Variants in DLGAP1 observed in about 807,000 individuals in gnomAD.
DLGAP1 encodes the protein disks large-associated protein 1.
In DLGAP1, 11 loss-of-function variants were observed where a neutral mutation model predicts 90.8. That is an observed-to-expected ratio of 0.12 (90% CI 0.08 to 0.20). DLGAP1 has a LOEUF of 0.20. DLGAP1 is among the 10% of genes least tolerant of loss of function. DLGAP1 has a pLI of 1.00. For synonymous variants in DLGAP1, 558 were observed against 540.7 expected, an observed-to-expected ratio of 1.03 and a Z score of -0.44; for missense variants, 1,050 against 1,333.8, an observed-to-expected ratio of 0.79 and a Z score of 3.31.
At chr18:4,137,133 G>A (rs2076417704) in intron 2 of DLGAP1, among the ~76,000 whole-genome samples, 1 of 151,934 alleles carries the variant, frequency 6.6e-6, no homozygotes, top group African/African-American at 2.4e-5. Context: ...TCCCACCTAT[G>A]AGTGAGAACA....
intron 1 of DLGAP1, among the ~76,000 whole-genome samples, chr18:4,421,041 C>A (rs2083017825): frequency 6.6e-6 from 1 of 152,156 alleles, no homozygotes; most frequent in African/African-American, 2.4e-5. Flanking sequence ...GTCTGTATAG[C>A]ACTGTATTAA....
chr18:4,246,289 T>TA (rs1223549718), intron 1 of DLGAP1, among the ~76,000 whole-genome samples: 1 of 151,980 alleles, frequency 6.6e-6, no homozygotes, highest in African/African-American at 2.4e-5. Flanking sequence ...GGAAAAAAAA[T>TA]AGCCATGGCA....
chr18:4,006,845 A>G (rs2074312342), intron 2 of DLGAP1, among the ~76,000 whole-genome samples: 1 of 151,340 alleles, frequency 6.6e-6, no homozygotes, highest in Admixed American at 6.6e-5. Context: ...ACAAGTTCTC[A>G]CTCTGTTCCC....
chr18:4,009,078 A>G (rs1342746300), intron 2 of DLGAP1, among the ~76,000 whole-genome samples: 5 of 152,090 alleles, frequency 3.3e-5, no homozygotes, highest in Admixed American at 2.6e-4. Flanking sequence ...CTAATTTTTT[A>G]TATTTTTAGT....
intron 5 of DLGAP1, among the ~76,000 whole-genome samples, chr18:3,803,998 AT>A: frequency 3.1e-5 from 3 of 96,888 alleles, no homozygotes; most frequent in Admixed American, 1.1e-4. Context: ...ATATATATAT[AT>A]ATATAATTTT....
intron 1 of DLGAP1, among the ~76,000 whole-genome samples, chr18:4,350,157 T>G (rs2081377617): frequency 6.6e-6 from 1 of 152,152 alleles, no homozygotes; most frequent in Non-Finnish European, 1.5e-5. Flanking sequence ...TTGGTCACTT[T>G]CGATGATGAG....
chr18:3,874,740 T>G (rs1438648336), intron 4 of DLGAP1: 1 of 1,519,528 alleles, frequency 6.6e-7, no homozygotes, highest in Admixed American at 2.1e-5. Context: ...AGACAGTCAC[T>G]GGCAGCGGTA....
At chr18:4,289,782 C>A (rs1015963574) in intron 1 of DLGAP1, among the ~76,000 whole-genome samples, 3 of 151,998 alleles carry the variant, frequency 2.0e-5, no homozygotes, top group Non-Finnish European at 4.4e-5. Context: ...GGGTTTAAAT[C>A]CCTCTTAGTC....
intron 1 of DLGAP1, among the ~76,000 whole-genome samples, chr18:4,449,537 G>A (rs1241030196): frequency 2.0e-5 from 3 of 152,170 alleles, no homozygotes. Flanking sequence ...ATACAGATGT[G>A]CATTCACTTG....
At chr18:3,587,061 C>T (rs529839559) in intron 7 of DLGAP1, among the ~76,000 whole-genome samples, 1 of 152,230 alleles carries the variant, frequency 6.6e-6, no homozygotes, top group South Asian at 2.1e-4. Flanking sequence ...TTAAGAGTGA[C>T]GTTCTCTTTT....
rs778048507 is a variant in DLGAP1 at position 3,582,130 on chromosome 18, G to A, written c.1710C>T (p.Tyr570=). The change falls in exon 8 of 13, where the codon TAC becomes TAT. Residue 570 remains tyrosine, a synonymous_variant. Transcript: ENST00000315677. ...CTCCTCGCTGGCCCTGTCCGTCCAT[G>A]TAGGCATCCTGGGCTGACTCTGTGC... The part of the protein sequence containing the change: ...QSSTESAQDA[Y]MDGQGQRGDI... The A allele has an allele frequency of 6.2e-7, 1 of 1,614,072 alleles. No homozygotes were observed. The highest frequency in any genetic ancestry group is 1.1e-5 in the South Asian group (1 of 91,080).
At chr18:3,842,307 C>T (rs527410000) in intron 4 of DLGAP1, among the ~76,000 whole-genome samples, 1 of 152,272 alleles carries the variant, frequency 6.6e-6, no homozygotes, top group Non-Finnish European at 1.5e-5. Context: ...TCCCCAGCTA[C>T]ATCATACTCT....
chr18:3,980,349 G>A (rs1038948326), intron 3 of DLGAP1, among the ~76,000 whole-genome samples: 1 of 152,072 alleles, frequency 6.6e-6, no homozygotes, highest in Non-Finnish European at 1.5e-5. Context: ...TTCCAAACTG[G>A]AGCATAGAGG....
intron 3 of DLGAP1, among the ~76,000 whole-genome samples, chr18:3,898,298 C>T (rs946219118): frequency 6.6e-6 from 1 of 152,004 alleles, no homozygotes; most frequent in African/African-American, 2.4e-5. Flanking sequence ...GCAATATGTT[C>T]CAGAAAATAT....
At chr18:3,703,563 T>C (rs2061345347) in intron 7 of DLGAP1, among the ~76,000 whole-genome samples, 1 of 152,250 alleles carries the variant, frequency 6.6e-6, no homozygotes, top group African/African-American at 2.4e-5. Flanking sequence ...AGCGAGTGGC[T>C]GTTGTCCACT....
At chr18:3,919,659 CATG>C (rs2072223748) in intron 3 of DLGAP1, among the ~76,000 whole-genome samples, 1 of 152,210 alleles carries the variant, frequency 6.6e-6, no homozygotes, top group Non-Finnish European at 1.5e-5. Flanking sequence ...CAAGTGATTG[CATG>C]TTATCACAAG....
chr18:4,371,849 G>A (rs2081923697), intron 1 of DLGAP1, among the ~76,000 whole-genome samples: 1 of 152,170 alleles, frequency 6.6e-6, no homozygotes, highest in Non-Finnish European at 1.5e-5. Context: ...TCACCTTCAT[G>A]TCCTAATTCA....
At chr18:4,438,548 C>A (rs913082697) in intron 1 of DLGAP1, among the ~76,000 whole-genome samples, 7 of 151,874 alleles carry the variant, frequency 4.6e-5, no homozygotes, top group African/African-American at 1.7e-4. Flanking sequence ...TACCCCTAGC[C>A]CCACTCCACT....
At chr18:3,503,597 C>T (rs2050060749) in intron 11 of DLGAP1, among the ~76,000 whole-genome samples, 1 of 152,176 alleles carries the variant, frequency 6.6e-6, no homozygotes, top group Non-Finnish European at 1.5e-5. Context: ...TTTTGGTGAC[C>T]TCTTGGTATT....
Sources: allele counts gnomAD v4.1 joint callset (sites outside exome capture counted in the v4.1 genomes callset), GRCh38; gene constraint gnomAD v4.1.1; transcripts MANE v1.5; gene names NCBI Gene and HGNC (gene_info 2026-07-23, HGNC 2026-07-21).